Variants in ZHX2 observed in about 807,000 individuals in gnomAD.
ZHX2 encodes the protein zinc fingers and homeoboxes 2.
In ZHX2, 6 loss-of-function variants were observed where a neutral mutation model predicts 21.9. That is an observed-to-expected ratio of 0.27 (90% CI 0.15 to 0.54). ZHX2 has a LOEUF of 0.54. Among genes scored for constraint, ZHX2 ranks in the 20% least tolerant of loss-of-function variants. The pLI is 0.95. For synonymous variants in ZHX2, 434 were observed against 437.1 expected (o/e 0.99, Z 0.09); for missense variants, 908 against 1,090.7 (o/e 0.83, Z 2.36).
chr8:122,925,369 C>T (rs1459233837), intron 2 of ZHX2, among the ~76,000 whole-genome samples: 2 of 152,198 alleles, frequency 1.3e-5, no homozygotes, highest in Non-Finnish European at 2.9e-5. Flanking sequence ...ACCTGCTGAG[C>T]AGGCCCCAGT....
In ZHX2 at chr8:122,914,111, G is replaced by A. The variant is rs73333683; in HGVS notation, c.-219-37181G>A. ...ACCCCAAGAGAAAAGATCGCCTGTC[G>A]TCATATTCCAAGTACCTAGCACAGT... On this transcript the variant is annotated intron_variant, in intron 2 of 3. Coordinates refer to ENST00000314393, the MANE Select transcript of ZHX2 (RefSeq NM_014943.5). 6.1e-3 allele frequency among the ~76,000 whole-genome samples: 932 copies of A among 152,258 alleles called. 6 individuals carry two copies. The highest frequency in any genetic ancestry group is 0.021 in the African/African-American group (876 of 41,536).
chr8:122,880,189 G>T (rs1279425511), intron 2 of ZHX2, among the ~76,000 whole-genome samples: 1 of 151,862 alleles, frequency 6.6e-6, no homozygotes, highest in African/African-American at 2.4e-5. Context: ...GGCCAGGCTG[G>T]TCTCAAACTT....
intron 2 of ZHX2, among the ~76,000 whole-genome samples, chr8:122,946,715 A>C (rs2130246205): frequency 6.6e-6 from 1 of 152,222 alleles, no homozygotes; most frequent in African/African-American, 2.4e-5. Context: ...ATTTAACTCA[A>C]ATGTCCCAAG....
In ZHX2 at chr8:122,821,286, G is replaced by A. The variant is rs373130311; in HGVS notation, c.-283+39340G>A. ...GACGGGAACTAGAGTTCTGCTGGGC[G>A]CTGGGATGGGATACAATGGAGGTGC... On this transcript the variant is annotated intron_variant, in intron 1 of 3. Transcript: ENST00000314393. Among the ~76,000 whole-genome samples the A allele has an allele frequency of 3.3e-5, 5 of 152,294 alleles. No individual in the cohort carries two copies. In the East Asian group the frequency reaches 5.8e-4, roughly 18 times the overall value.
At chr8:122,824,880 A>G (rs144595282) in intron 1 of ZHX2, among the ~76,000 whole-genome samples, 3,429 of 152,228 alleles carry the variant, frequency 0.023, 116 homozygotes, top group African/African-American at 0.079. Context: ...TGCCTTTTCC[A>G]GTTTCCAGAG....
At chr8:122,860,755 G>A (rs557431279) in intron 1 of ZHX2, among the ~76,000 whole-genome samples, 54 of 152,210 alleles carry the variant, frequency 3.5e-4, no homozygotes, top group African/African-American at 1.1e-3. Flanking sequence ...ATCAGAGAGG[G>A]TCGGGCGTGG....
intron 3 of ZHX2, among the ~76,000 whole-genome samples, chr8:122,959,884 G>C (rs182802371): frequency 6.6e-6 from 1 of 152,230 alleles, no homozygotes; most frequent in East Asian, 1.9e-4. Flanking sequence ...ACTGTGCTTT[G>C]GGTGACTTGT....
At chr8:122,962,221 A>G (rs1042548403) in intron 3 of ZHX2, among the ~76,000 whole-genome samples, 3 of 152,158 alleles carry the variant, frequency 2.0e-5, no homozygotes, top group African/African-American at 7.2e-5. Context: ...CGGTGCACCT[A>G]TCACCCGAGC....
At chr8:122,938,569 G>C (rs191950693) in intron 2 of ZHX2, among the ~76,000 whole-genome samples, 40 of 152,248 alleles carry the variant, frequency 2.6e-4, no homozygotes, top group African/African-American at 9.1e-4. Context: ...GGGCACAGTG[G>C]CTCACACCTG....
In ZHX2 at chr8:122,951,697, G is replaced by T. The variant is rs61762976; in HGVS notation, c.187G>T (p.Val63Leu). 3.7e-5 allele frequency: 60 copies of T among 1,613,976 alleles called. No homozygotes were observed. The highest frequency in any genetic ancestry group is 4.7e-5 in the Non-Finnish European group (56 of 1,180,036). ...NSSKENEVIE[V>L]KSMGESQSKK... ...TTCCAAAGAAAACGAAGTGATAGAGGTGAAATCTATGGGGGAAAGCCAGTC... is the reference window on the plus strand; with the variant it reads ...TTCCAAAGAAAACGAAGTGATAGAGTTGAAATCTATGGGGGAAAGCCAGTC... Residue 63 changes from valine to leucine, a missense_variant, in exon 3 of 4, where the codon GTG becomes TTG. Physicochemically the swap from Val to Leu is conservative, Grantham distance 32 (BLOSUM62 1). Coordinates refer to ENST00000314393, the MANE Select transcript of ZHX2 (RefSeq NM_014943.5).
intron 1 of ZHX2, among the ~76,000 whole-genome samples, chr8:122,829,558 C>T (rs1818328224): frequency 6.6e-6 from 1 of 152,198 alleles, no homozygotes; most frequent in South Asian, 2.1e-4. Flanking sequence ...AACTCTCCCA[C>T]CTCATTGTAA....
At chr8:122,890,575 C>A (rs907340093) in intron 2 of ZHX2, among the ~76,000 whole-genome samples, 7 of 152,080 alleles carry the variant, frequency 4.6e-5, no homozygotes, top group Non-Finnish European at 1.0e-4. Context: ...AATACTAATT[C>A]TTCTAATCCA....
Position 122,953,008 on chromosome 8 carries a change from C to G in ZHX2, c.1498C>G (p.His500Asp). The G allele has an allele frequency of 2.5e-6, 4 of 1,613,998 alleles. No individual in the cohort carries two copies. The highest frequency in any genetic ancestry group is 3.4e-6 in the Non-Finnish European group (4 of 1,180,018). ...HRYRCQRGIV[H>D]ITSESLAKDQ... ...ATATCGGTGTCAAAGGGGCATCGTC[C>G]ACATCACCAGCGAATCCCTTGCCAA... The change falls in exon 3 of 4, where the codon CAC becomes GAC. Residue 500 changes from histidine to aspartate, a missense_variant. This residue lies in a region of ZHX2 where 232 missense variants were observed against 361.8 expected (regional missense o/e 0.64). Coordinates refer to ENST00000314393, the MANE Select transcript of ZHX2 (RefSeq NM_014943.5). The surrounding 1 kb of genome is among the most constrained non-coding windows in gnomAD (Gnocchi z 4.6).
intron 2 of ZHX2, among the ~76,000 whole-genome samples, chr8:122,866,219 C>G (rs1006753913): frequency 2.0e-5 from 3 of 152,222 alleles, no homozygotes; most frequent in African/African-American, 7.2e-5. Context: ...TCAAGCCACA[C>G]AGTTCCCTGT....
intron 2 of ZHX2, among the ~76,000 whole-genome samples, chr8:122,897,260 T>C (rs1449060220): frequency 6.6e-6 from 1 of 152,250 alleles, no homozygotes; most frequent in East Asian, 1.9e-4. Context: ...GCCTCAGTTT[T>C]GTCACCTATT....
At chr8:122,852,595 C>T (rs1345814398) in intron 1 of ZHX2, among the ~76,000 whole-genome samples, 3 of 152,088 alleles carry the variant, frequency 2.0e-5, no homozygotes, top group African/African-American at 7.3e-5. Context: ...CTCTCAGCTT[C>T]TTTATCTGTA....
chr8:122,942,170 C>T (rs563580375), intron 2 of ZHX2, among the ~76,000 whole-genome samples: 1 of 151,852 alleles, frequency 6.6e-6, no homozygotes, highest in East Asian at 1.9e-4. Context: ...GCCCTGCCCC[C>T]ACCCGTCACC....
rs1339475036 is a variant in ZHX2 at position 122,782,974 on chromosome 8, G to T, written c.-283+1028G>T. Among the ~76,000 whole-genome samples the T allele has an allele frequency of 6.6e-6, 1 of 152,224 alleles. No individual in the cohort carries two copies. Among genetic ancestry groups the T allele is most frequent in the East Asian group, 1.9e-4 (1 of 5,190 alleles). On this transcript the variant is annotated intron_variant, in intron 1 of 3. Coordinates refer to ENST00000314393, the MANE Select transcript of ZHX2 (RefSeq NM_014943.5). The surrounding 1 kb of genome is among the most constrained non-coding windows in gnomAD (Gnocchi z 5.3). ...CTTTGCAGGAGGCTGCGGAGACGAA[G>T]ATGAGCGGAAAGTTGGAAACCAGCA... is the stretch of plus-strand genomic sequence containing the variant.
intron 2 of ZHX2, among the ~76,000 whole-genome samples, chr8:122,878,997 T>C (rs1433753115): frequency 6.6e-6 from 1 of 152,016 alleles, no homozygotes; most frequent in African/African-American, 2.4e-5. Context: ...ATTAGAGGAA[T>C]GGGGACCTAC....
Sources: allele counts gnomAD v4.1 joint callset (sites outside exome capture counted in the v4.1 genomes callset), GRCh38; gene constraint gnomAD v4.1.1; regional missense constraint gnomAD v4.1.1; non-coding constraint Gnocchi (gnomAD v3.1); transcripts MANE v1.5; gene names NCBI Gene and HGNC (gene_info 2026-07-23, HGNC 2026-07-21).